The following RNF169 variants were observed in gnomAD, a reference collection of about 807,000 sequenced individuals.
The protein encoded by RNF169 is E3 ubiquitin-protein ligase RNF169.
In RNF169, 24 loss-of-function variants were observed where a neutral mutation model predicts 53.9. The ratio of observed to expected loss-of-function variants is 0.45; its 90% CI spans 0.32 to 0.63. The LOEUF is 0.63. Among genes scored for constraint, RNF169 ranks in the 20% least tolerant of loss-of-function variants. The pLI is 0.04. For missense variants in RNF169, 883 were observed against 906.2 expected (o/e 0.97, Z 0.33); for synonymous variants, 396 against 363.5 (o/e 1.09, Z -1.02).
chr11:74,785,801 A>C (rs1273413066), intron 1 of RNF169, among the ~76,000 whole-genome samples: 3 of 152,210 alleles, frequency 2.0e-5, no homozygotes, highest in Admixed American at 6.5e-5. Flanking sequence ...AGCCAGAGGC[A>C]TAGTAAGATT....
At chr11:74,765,231 A>C (rs1199546985) in intron 1 of RNF169, among the ~76,000 whole-genome samples, 1 of 152,034 alleles carries the variant, frequency 6.6e-6, no homozygotes, top group Non-Finnish European at 1.5e-5. Flanking sequence ...TAATCCTGAA[A>C]AGAAATACAA....
At position 74,770,244 on chromosome 11, in the gene RNF169, A is replaced by G. The variant is rs148566680; in HGVS notation, c.503-19382A>G. ...GAGAGCCCATTCCTGGGCCTTGGGC[A>G]GAACTTGAGAGTCTAAGCGATAGCC... On this transcript the variant is annotated intron_variant, in intron 1 of 5. Coordinates refer to ENST00000299563, the MANE Select transcript of RNF169 (RefSeq NM_001098638.2). Among the ~76,000 whole-genome samples the G allele has an allele frequency of 6.7e-3, 1,022 of 152,380 alleles. 6 individuals carry two copies. The highest frequency in any genetic ancestry group is 0.01 in the Non-Finnish European group (697 of 68,036).
chr11:74,827,249 C>G (rs935894667), intron 4 of RNF169, among the ~76,000 whole-genome samples: 17 of 152,212 alleles, frequency 1.1e-4, no homozygotes, highest in African/African-American at 3.9e-4. Flanking sequence ...CTCTCTGAAA[C>G]AATGGCCTGA....
chr11:74,789,094 A>C (rs1468115819), intron 1 of RNF169, among the ~76,000 whole-genome samples: 2 of 152,216 alleles, frequency 1.3e-5, no homozygotes, highest in African/African-American at 4.8e-5. Flanking sequence ...AGGTGATGGA[A>C]TGTTTGCCTT....
In RNF169 at chr11:74,837,081, G is replaced by C. The variant is rs575588907; in HGVS notation, c.*351G>C. 8 of 176,838 alleles carry C rather than the reference G, an allele frequency of 4.5e-5. No individual in the cohort carries two copies. Among genetic ancestry groups the C allele is most frequent in the African/African-American group, 1.9e-4 (8 of 42,146 alleles). 11.0% of individuals were successfully genotyped at this position (176,838 alleles called of 1,614,324 possible). A position where few individuals can be genotyped will look rare whatever the true frequency, so the allele number is the denominator to read the frequency against. On this transcript the variant is annotated 3_prime_UTR_variant, in exon 6 of 6. Coordinates refer to ENST00000299563, the MANE Select transcript of RNF169 (RefSeq NM_001098638.2). ...TAGACTTCCTGACTTCTTTCAGCAG[G>C]GTATTGTTTTAAATCAGCCTTGCAG...
At chr11:74,826,269 C>T (rs11501909) in intron 4 of RNF169, among the ~76,000 whole-genome samples, 6,334 of 152,120 alleles carry the variant, frequency 0.042, 130 homozygotes, top group African/African-American at 0.059. Context: ...GATGTCACAG[C>T]GAGCCAAGAT....
intron 4 of RNF169, chr11:74,831,393 C>T (rs2036175881): frequency 6.6e-6 from 1 of 152,140 alleles, no homozygotes; most frequent in African/African-American, 2.4e-5. Context: ...ATTCAGTTTA[C>T]AATAGCATCA....
intron 2 of RNF169, among the ~76,000 whole-genome samples, chr11:74,806,722 A>G (rs1480462597): frequency 2.6e-5 from 4 of 152,164 alleles, no homozygotes; most frequent in Non-Finnish European, 4.4e-5. Flanking sequence ...ACTTATATAA[A>G]ATTCAGAAAT....
intron 1 of RNF169, among the ~76,000 whole-genome samples, chr11:74,786,629 TGTCCCACCA>T: frequency 6.6e-6 from 1 of 152,330 alleles, no homozygotes; most frequent in East Asian, 1.9e-4. Flanking sequence ...TAAAGAATGC[TGTCCCACCA>T]GTACCAGAGA....
At chr11:74,798,899 A>T (rs1307219236) in intron 2 of RNF169, among the ~76,000 whole-genome samples, 2 of 152,022 alleles carry the variant, frequency 1.3e-5, no homozygotes, top group East Asian at 1.9e-4. Flanking sequence ...AAAATTTTTT[A>T]AAAAATTAGC....
Position 74,836,832 on chromosome 11 carries a change from ACTGT to A in RNF169, c.*105_*108del. 2 of 865,750 alleles carry A rather than the reference ACTGT, an allele frequency of 2.3e-6. No homozygotes were observed. Among genetic ancestry groups the A allele is most frequent in the Non-Finnish European group, 3.5e-6 (2 of 573,002 alleles). 53.6% of individuals were successfully genotyped at this position (865,750 alleles called of 1,614,324 possible). A position where few individuals can be genotyped will look rare whatever the true frequency, so the allele number is the denominator to read the frequency against. Reference sequence around the variant, plus strand: ...TTTGGTTTTATTTTAATGGCAAAACACTGTCTAATATGGTTCTGAGAGGTTCCAG... The same window carrying A: ...TTTGGTTTTATTTTAATGGCAAAACACTAATATGGTTCTGAGAGGTTCCAG... On this transcript the variant is annotated 3_prime_UTR_variant, in exon 6 of 6. Coordinates refer to ENST00000299563, the MANE Select transcript of RNF169 (RefSeq NM_001098638.2).
chr11:74,828,932 G>A (rs1459063466), intron 4 of RNF169, among the ~76,000 whole-genome samples: 1 of 152,178 alleles, frequency 6.6e-6, no homozygotes, highest in Non-Finnish European at 1.5e-5. Context: ...CCATAGGCAT[G>A]GGCAAAGATT....
At chr11:74,830,092 A>G (rs951992861) in intron 4 of RNF169, among the ~76,000 whole-genome samples, 1 of 152,238 alleles carries the variant, frequency 6.6e-6, no homozygotes, top group African/African-American at 2.4e-5. Flanking sequence ...AGGGAAATTT[A>G]TAGCTGTAAA....
chr11:74,763,219 G>A (rs1002915047), intron 1 of RNF169, among the ~76,000 whole-genome samples: 3 of 152,184 alleles, frequency 2.0e-5, no homozygotes, highest in Middle Eastern at 3.2e-3. Flanking sequence ...TCAAGCTAGT[G>A]AGACAGGAAA....
Position 74,813,847 on chromosome 11 carries a change from C to T in RNF169, c.723+3517C>T, listed in dbSNP as rs1221754417. Among the ~76,000 whole-genome samples, 6 of 152,212 alleles carry T rather than the reference C, an allele frequency of 3.9e-5. No individual in the cohort carries two copies. The South Asian group carries it at 6.2e-4, about 16-fold the overall frequency. ...CTGGGACTACAGGCACGTGCCACCACGCCCAGTTAATCTTTTGTATTTTTA... is the reference window on the plus strand; with the variant it reads ...CTGGGACTACAGGCACGTGCCACCATGCCCAGTTAATCTTTTGTATTTTTA... On this transcript the variant is annotated intron_variant, in intron 3 of 5. Transcript: ENST00000299563.
At chr11:74,788,029 TGTTA>T (rs1565177353) in intron 1 of RNF169, among the ~76,000 whole-genome samples, 1 of 152,150 alleles carries the variant, frequency 6.6e-6, no homozygotes, top group Admixed American at 6.5e-5. Context: ...CAGCTAGGGT[TGTTA>T]GTTGCAATCG....
At chr11:74,816,808 T>A (rs557383315) in intron 3 of RNF169, among the ~76,000 whole-genome samples, 1 of 152,168 alleles carries the variant, frequency 6.6e-6, no homozygotes, top group African/African-American at 2.4e-5. Flanking sequence ...GGAAAAGCTG[T>A]GAAACAAGGT....
chr11:74,777,740 C>T (rs1412502709), intron 1 of RNF169, among the ~76,000 whole-genome samples: 7 of 152,090 alleles, frequency 4.6e-5, no homozygotes, highest in East Asian at 1.9e-4. Context: ...CTTGACCTTC[C>T]GCCTTAGCCT....
At chr11:74,760,374 G>A (rs2035061942) in intron 1 of RNF169, among the ~76,000 whole-genome samples, 1 of 151,114 alleles carries the variant, frequency 6.6e-6, no homozygotes, top group African/African-American at 2.4e-5. Context: ...GTTTGCTCTT[G>A]CTTTTCTAGT....
Sources: gnomAD v4.1 joint callset for allele counts (sites outside exome capture counted in the v4.1 genomes callset) on GRCh38, gnomAD v4.1.1 for gene constraint, MANE v1.5 for transcripts, NCBI Gene and HGNC (gene_info 2026-07-23, HGNC 2026-07-21) for gene names.